CPEB3: variants seen among roughly 807,000 people sequenced by gnomAD.
CPEB3 encodes cytoplasmic polyadenylation element binding protein 3.
Under a neutral mutation model 67.2 loss-of-function variants are expected in CPEB3, and 20 were observed. The ratio of observed to expected loss-of-function variants is 0.30; its 90% CI spans 0.21 to 0.43. CPEB3 has a LOEUF of 0.43. Ranked by LOEUF, CPEB3 falls within the 20% of genes least tolerant of loss-of-function variation. The probability of loss-of-function intolerance (pLI) is 1.00; values close to 1 mark genes in which losing one functional copy is unlikely to be tolerated. For missense variants in CPEB3, 746 were observed against 968.6 expected, an observed-to-expected ratio of 0.77 and a Z score of 3.05; for synonymous variants, 376 against 393.1, an observed-to-expected ratio of 0.96 and a Z score of 0.51.
intron 2 of CPEB3, among the ~76,000 whole-genome samples, chr10:92,210,484 T>C (rs1020671804): frequency 6.6e-6 from 1 of 152,154 alleles, no homozygotes; most frequent in African/African-American, 2.4e-5. Context: ...AAAAAATTAA[T>C]AGCAATTATT....
chr10:92,094,589 G>A (rs530642678), intron 7 of CPEB3, among the ~76,000 whole-genome samples: 5 of 149,162 alleles, frequency 3.4e-5, no homozygotes, highest in East Asian at 2.0e-4. Flanking sequence ...GCGGTAGAGC[G>A]AAACTCCCTT....
At chr10:92,235,275 A>T (rs905771339) in intron 2 of CPEB3, among the ~76,000 whole-genome samples, 1 of 152,136 alleles carries the variant, frequency 6.6e-6, no homozygotes, top group Admixed American at 6.5e-5. Context: ...GCGAAATTCC[A>T]TCTCTACTAA....
chr10:92,229,124 A>G (rs1228612777), intron 2 of CPEB3, among the ~76,000 whole-genome samples: 1 of 152,038 alleles, frequency 6.6e-6, no homozygotes, highest in East Asian at 1.9e-4. Flanking sequence ...CCTGGGCTCA[A>G]GCAATCCTCC....
intron 2 of CPEB3, among the ~76,000 whole-genome samples, chr10:92,217,644 C>A (rs1333940784): frequency 6.6e-6 from 1 of 152,102 alleles, no homozygotes; most frequent in Non-Finnish European, 1.5e-5. Context: ...TGCCTGTAAT[C>A]CCAGCTACTC....
chr10:92,259,020 T>C (rs1361622503), intron 1 of CPEB3, among the ~76,000 whole-genome samples: 1 of 151,574 alleles, frequency 6.6e-6, no homozygotes, highest in Non-Finnish European at 1.5e-5. Context: ...TGGAATGCAG[T>C]GGTGCAATCT....
intron 3 of CPEB3, among the ~76,000 whole-genome samples, chr10:92,190,925 A>C (rs1166228432): frequency 6.6e-6 from 1 of 152,170 alleles, no homozygotes; most frequent in Admixed American, 6.6e-5. Flanking sequence ...GAAAAACTGG[A>C]AACAACCTAA....
At chr10:92,226,892 A>AG (rs1312610047) in intron 2 of CPEB3, among the ~76,000 whole-genome samples, 1 of 149,268 alleles carries the variant, frequency 6.7e-6, no homozygotes, top group East Asian at 2.0e-4. Context: ...GGGAACAGGG[A>AG]GGGGGGAGCG....
At chr10:92,244,375 T>G (rs1264437005) in intron 1 of CPEB3, among the ~76,000 whole-genome samples, 1 of 151,960 alleles carries the variant, frequency 6.6e-6, no homozygotes, top group Admixed American at 6.6e-5. Context: ...TAATAACAAT[T>G]GTACATGTTT....
chr10:92,218,727 T>C (rs1388048612), intron 2 of CPEB3, among the ~76,000 whole-genome samples: 2 of 152,128 alleles, frequency 1.3e-5, no homozygotes, highest in African/African-American at 4.8e-5. Flanking sequence ...ACAATAGAGA[T>C]TGTCATAGGG....
chr10:92,114,873 AAGT>A (rs1844926378), intron 6 of CPEB3, among the ~76,000 whole-genome samples: 1 of 152,232 alleles, frequency 6.6e-6, no homozygotes, highest in Non-Finnish European at 1.5e-5. Context: ...ATAAACTAGG[AAGT>A]CATGTGAGTA....
intron 2 of CPEB3, among the ~76,000 whole-genome samples, chr10:92,229,714 A>C (rs2134544745): frequency 6.6e-6 from 1 of 152,310 alleles, no homozygotes; most frequent in South Asian, 2.1e-4. Flanking sequence ...ATGTACATAC[A>C]CCTGTGTTTC....
At chr10:92,223,900 C>T (rs11186862) in intron 2 of CPEB3, among the ~76,000 whole-genome samples, 49,113 of 151,836 alleles carry the variant, frequency 0.32, 8,326 homozygotes, top group Admixed American at 0.43. Context: ...AGGCGCCTGC[C>T]ACCACACCCG....
At chr10:92,213,036 C>G (rs996510291) in intron 2 of CPEB3, among the ~76,000 whole-genome samples, 1 of 152,194 alleles carries the variant, frequency 6.6e-6, no homozygotes, top group African/African-American at 2.4e-5. Context: ...AGACAGAGTT[C>G]ATGGTAACTC....
In CPEB3 at chr10:92,264,865, T is replaced by C. The variant is rs567700968; in HGVS notation, c.-11-24504A>G. On this transcript the variant is annotated intron_variant, in intron 1 of 9. Transcript: ENST00000265997. ...GACCAGGTTGCACAACATAGACTCT[T>C]GTCTATAAAAAAAATTTAAGGTCGG... Among the ~76,000 whole-genome samples, 143 of 151,958 alleles carry C rather than the reference T, an allele frequency of 9.4e-4. 1 individual carries two copies. Among genetic ancestry groups the C allele is most frequent in the Middle Eastern group, 3.4e-3 (1 of 294 alleles).
intron 6 of CPEB3, among the ~76,000 whole-genome samples, chr10:92,114,594 C>T (rs562931283): frequency 1.3e-5 from 2 of 152,358 alleles, no homozygotes; most frequent in African/African-American, 4.8e-5. Flanking sequence ...AGACACTGTT[C>T]TAAGTGCCTT....
intron 7 of CPEB3, among the ~76,000 whole-genome samples, chr10:92,099,073 A>T (rs1231646419): frequency 6.6e-6 from 1 of 150,868 alleles, no homozygotes; most frequent in Non-Finnish European, 1.5e-5. Context: ...TGCCTAGCCC[A>T]GTTTGAAATT....
At chr10:92,075,352 T>G (rs890184144) in intron 9 of CPEB3, among the ~76,000 whole-genome samples, 1 of 152,208 alleles carries the variant, frequency 6.6e-6, no homozygotes, top group Admixed American at 6.5e-5. Context: ...CTATTGTTAT[T>G]ATGCAGTTGA....
intron 6 of CPEB3, among the ~76,000 whole-genome samples, chr10:92,117,382 T>C (rs1789995849): frequency 7.2e-6 from 1 of 139,694 alleles, no homozygotes; most frequent in Non-Finnish European, 1.5e-5. Context: ...CATGCTGGAG[T>C]GCAGTGGTGT....
At chr10:92,224,889 A>C (rs1476839845) in intron 2 of CPEB3, among the ~76,000 whole-genome samples, 1 of 147,752 alleles carries the variant, frequency 6.8e-6, no homozygotes, top group Admixed American at 6.8e-5. Flanking sequence ...ATATATATAA[A>C]TTTAAAAATA....
Sources: gnomAD v4.1 joint callset for allele counts (sites outside exome capture counted in the v4.1 genomes callset) on GRCh38, gnomAD v4.1.1 for gene constraint, MANE v1.5 for transcripts, NCBI Gene and HGNC (gene_info 2026-07-23, HGNC 2026-07-21) for gene names.